Variants in OPCML observed in about 807,000 individuals in gnomAD.
OPCML encodes opioid binding protein/cell adhesion molecule like.
Under a neutral mutation model 37.8 loss-of-function variants are expected in OPCML, and 13 were observed. The ratio of observed to expected loss-of-function variants is 0.34; its 90% confidence interval spans 0.22 to 0.55. The LOEUF (loss-of-function observed/expected upper bound fraction) is 0.55, where lower values mean the gene tolerates loss of function less well. OPCML is among the 20% of genes least tolerant of loss of function. The pLI is 0.91. For missense variants in OPCML, 341 were observed against 435.6 expected, an observed-to-expected ratio of 0.78 and a Z score of 1.93; for synonymous variants, 176 against 168.8, an observed-to-expected ratio of 1.04 and a Z score of -0.33.
chr11:133,179,275 G>A (rs1937708368), intron 1 of OPCML, among the ~76,000 whole-genome samples: 1 of 152,144 alleles, frequency 6.6e-6, no homozygotes, highest in Non-Finnish European at 1.5e-5. Flanking sequence ...GGAGAAGATG[G>A]TAGAATAACC....
At chr11:132,894,340 T>C (rs1191959802) in intron 2 of OPCML, among the ~76,000 whole-genome samples, 1 of 152,212 alleles carries the variant, frequency 6.6e-6, no homozygotes, top group Non-Finnish European at 1.5e-5. Flanking sequence ...CTGATTCTTA[T>C]GTTTCATTCA....
intron 1 of OPCML, among the ~76,000 whole-genome samples, chr11:132,949,973 C>T (rs535066101): frequency 1.3e-5 from 2 of 152,234 alleles, no homozygotes; most frequent in Non-Finnish European, 2.9e-5. Flanking sequence ...AGCATTTGAC[C>T]TGAGTCCTGA....
chr11:132,654,384 CTCCTCCCCAAGAGAAGA>C (rs995487105), intron 3 of OPCML, among the ~76,000 whole-genome samples: 11 of 151,586 alleles, frequency 7.3e-5, no homozygotes, highest in Non-Finnish European at 1.3e-4. Flanking sequence ...TCAAGAGAAA[CTCCTCCCCAAGAGAAGA>C]TCCTCCCCAA....
At chr11:133,427,200 C>A (rs952414516) in intron 1 of OPCML, among the ~76,000 whole-genome samples, 1 of 152,028 alleles carries the variant, frequency 6.6e-6, no homozygotes, top group Non-Finnish European at 1.5e-5. Flanking sequence ...AAAACCTAAT[C>A]TACCATATCA....
At chr11:133,432,475 A>C (rs566734985) in intron 1 of OPCML, among the ~76,000 whole-genome samples, 19 of 152,282 alleles carry the variant, frequency 1.2e-4, no homozygotes, top group African/African-American at 4.3e-4. Flanking sequence ...TTCTGGGCTC[A>C]AGTGATCCTC....
At chr11:132,812,601 G>C (rs777501731) in intron 2 of OPCML, among the ~76,000 whole-genome samples, 1 of 152,156 alleles carries the variant, frequency 6.6e-6, no homozygotes, top group African/African-American at 2.4e-5. Context: ...CAGATGGTCT[G>C]CTCCCTTCTT....
chr11:133,091,939 G>A (rs997623082), intron 1 of OPCML, among the ~76,000 whole-genome samples: 1 of 152,112 alleles, frequency 6.6e-6, no homozygotes, highest in Non-Finnish European at 1.5e-5. Context: ...CGTAGGGGTG[G>A]AATTTTATAG....
intron 4 of OPCML, among the ~76,000 whole-genome samples, chr11:132,465,166 C>T (rs1195011220): frequency 6.6e-6 from 1 of 152,088 alleles, no homozygotes; most frequent in African/African-American, 2.4e-5. Context: ...TTTCCAGTTT[C>T]TCTCTATTAG....
chr11:133,001,698 A>G (rs1347956017), intron 1 of OPCML, among the ~76,000 whole-genome samples: 2 of 152,228 alleles, frequency 1.3e-5, no homozygotes, highest in Non-Finnish European at 2.9e-5. Flanking sequence ...AACATTGCCC[A>G]AAGTGGAGAC....
At chr11:132,544,407 T>C (rs1290150438) in intron 3 of OPCML, among the ~76,000 whole-genome samples, 1 of 152,224 alleles carries the variant, frequency 6.6e-6, no homozygotes, top group African/African-American at 2.4e-5. Flanking sequence ...GTTTAACATG[T>C]CACAATGCTG....
Position 133,439,682 on chromosome 11 carries a change from T to C in OPCML, c.61+92582A>G, listed in dbSNP as rs1358228810. On this transcript the variant is annotated intron_variant, in intron 1 of 7. Transcript: ENST00000524381. Reference sequence around the variant, plus strand: ...CGGGGTTTCACCGTTTTAGCCAGGATGGTCTCGATCTCCTGACTTCGTGAT... The same window carrying C: ...CGGGGTTTCACCGTTTTAGCCAGGACGGTCTCGATCTCCTGACTTCGTGAT... 2.0e-5 allele frequency among the ~76,000 whole-genome samples: 3 copies of C among 151,542 alleles called. No individual in the cohort carries two copies. The East Asian group carries it at 5.9e-4, about 30-fold the overall frequency.
At chr11:132,825,115 T>C (rs1178290419) in intron 2 of OPCML, among the ~76,000 whole-genome samples, 1 of 152,248 alleles carries the variant, frequency 6.6e-6, no homozygotes, top group Non-Finnish European at 1.5e-5. Flanking sequence ...TTATTATCTG[T>C]CTTCCTTTGT....
At chr11:133,179,763 G>T (rs747739430) in intron 1 of OPCML, among the ~76,000 whole-genome samples, 32 of 152,190 alleles carry the variant, frequency 2.1e-4, no homozygotes, top group Admixed American at 1.7e-3. Context: ...CGAAGGTAAG[G>T]TTGCTAGGAA....
intron 1 of OPCML, among the ~76,000 whole-genome samples, chr11:133,260,169 A>G (rs1032196059): frequency 6.6e-6 from 1 of 151,882 alleles, no homozygotes; most frequent in African/African-American, 2.4e-5. Context: ...AAAGGTCCCC[A>G]GACATGCTGG....
intron 1 of OPCML, among the ~76,000 whole-genome samples, chr11:133,050,721 T>C (rs775493666): frequency 4.9e-4 from 2 of 4,086 alleles, no homozygotes; most frequent in Non-Finnish European, 1.7e-3. Context: ...TTCTTCTTCC[T>C]TTTTTTTTTT....
At chr11:132,558,043 T>C (rs1042045947) in intron 3 of OPCML, among the ~76,000 whole-genome samples, 1 of 152,092 alleles carries the variant, frequency 6.6e-6, no homozygotes, top group African/African-American at 2.4e-5. Context: ...GTGTAGGGCA[T>C]GTGAGTAGTT....
At chr11:133,234,723 TAG>T (rs1250795372) in intron 1 of OPCML, among the ~76,000 whole-genome samples, 2 of 152,264 alleles carry the variant, frequency 1.3e-5, no homozygotes, top group Admixed American at 1.3e-4. Flanking sequence ...GCTAGTTCTC[TAG>T]CCTTTCTTCA....
At chr11:132,512,946 C>G (rs1440599267) in intron 4 of OPCML, among the ~76,000 whole-genome samples, 2 of 151,906 alleles carry the variant, frequency 1.3e-5, no homozygotes, top group African/African-American at 2.4e-5. Flanking sequence ...TCAAAACTCA[C>G]CAAAAGCTGC....
intron 1 of OPCML, among the ~76,000 whole-genome samples, chr11:133,428,464 T>C (rs1432275742): frequency 6.6e-6 from 1 of 152,202 alleles, no homozygotes; most frequent in Non-Finnish European, 1.5e-5. Flanking sequence ...GAAAATCTAC[T>C]GCCAGTAATA....
Sources: allele counts gnomAD v4.1 joint callset (sites outside exome capture counted in the v4.1 genomes callset), GRCh38; gene constraint gnomAD v4.1.1; transcripts MANE v1.5; gene names NCBI Gene and HGNC (gene_info 2026-07-23, HGNC 2026-07-21).